The following EPHA2 variants were observed in gnomAD, a reference collection of about 807,000 sequenced individuals.
EPHA2 encodes ephrin type-A receptor 2.
Under a neutral mutation model 104.9 loss-of-function variants are expected in EPHA2, and 54 were observed. The observed-to-expected ratio is 0.51, with a 90% CI of 0.41 to 0.65. The LOEUF (loss-of-function observed/expected upper bound fraction) is 0.65, where lower values mean the gene tolerates loss of function less well. Among genes scored for constraint, EPHA2 ranks in the 30% least tolerant of loss-of-function variants. The probability of loss-of-function intolerance (pLI) is 0.00; values close to 1 mark genes in which losing one functional copy is unlikely to be tolerated. For missense variants in EPHA2, 1,117 were observed against 1,369.5 expected, an observed-to-expected ratio of 0.82 and a Z score of 2.91; for synonymous variants, 560 against 559.1, an observed-to-expected ratio of 1.00 and a Z score of -0.02.
At chr1:16,149,555 G>T (rs2024998962) in intron 2 of EPHA2, among the ~76,000 whole-genome samples, 1 of 152,210 alleles carries the variant, frequency 6.6e-6, no homozygotes, top group Non-Finnish European at 1.5e-5. Flanking sequence ...AAAAACAACG[G>T]ATGATGCTCT....
In EPHA2 at chr1:16,133,847, G is replaced by A. The variant is rs2024629034; in HGVS notation, c.1738+13C>T. On this transcript the variant is annotated intron_variant, in intron 9 of 16. Transcript: ENST00000358432. ...CGGGCAGGGCTGGGCCTGGAGCGGGGGCTGCGTCTCACCTGACTTGGAGAA... is the reference window on the plus strand; with the variant it reads ...CGGGCAGGGCTGGGCCTGGAGCGGGAGCTGCGTCTCACCTGACTTGGAGAA... The A allele has an allele frequency of 6.5e-7, 1 of 1,543,682 alleles. No individual in the cohort carries two copies. Among genetic ancestry groups the A allele is most frequent in the Non-Finnish European group, 8.8e-7 (1 of 1,142,266 alleles).
At chr1:16,126,124 G>A (rs897939920) in intron 16 of EPHA2, among the ~76,000 whole-genome samples, 1 of 152,158 alleles carries the variant, frequency 6.6e-6, no homozygotes, top group Non-Finnish European at 1.5e-5. Flanking sequence ...GGCAGCATCA[G>A]TACCAGATGG....
intron 16 of EPHA2, among the ~76,000 whole-genome samples, chr1:16,126,995 G>A (rs936545511): frequency 3.3e-5 from 5 of 152,156 alleles, no homozygotes; most frequent in South Asian, 2.1e-4. Context: ...AGGTTGGGCC[G>A]TTGCTGGGCC....
In EPHA2 at chr1:16,131,710, A is replaced by G. The variant is rs775749111; in HGVS notation, c.2475+11T>C. On this transcript the variant is annotated intron_variant, in intron 14 of 16. Coordinates refer to ENST00000358432, the MANE Select transcript of EPHA2 (RefSeq NM_004431.5). The surrounding 1 kb of genome is among the most constrained non-coding windows in gnomAD (Gnocchi z 5.2). ...GGTCCGGACAGGCCTGGGGAGGGCA[A>G]GGGCACCCACCTCGTGGTTGGACAA... The G allele has an allele frequency of 6.2e-7, 1 of 1,613,886 alleles. No individual in the cohort carries two copies.
At chr1:16,129,815 A>G (rs1253465968) in intron 15 of EPHA2, among the ~76,000 whole-genome samples, 3 of 152,136 alleles carry the variant, frequency 2.0e-5, no homozygotes, top group African/African-American at 7.2e-5. Context: ...TACTAACAGG[A>G]CCACCACCAA....
rs35484156 is a variant in EPHA2, at chr1:16,138,424, G to A, written c.830C>T (p.Ser277Leu). Residue 277 changes from serine (S) to leucine (L), a missense_variant, in exon 4 of 17, where the codon TCG becomes TTG. Physicochemically the swap from Ser to Leu is moderately radical, Grantham distance 145. Around this residue, in one of 3 missense-constraint regions of EPHA2, gnomAD observed 664 missense variants for 784.8 expected, o/e 0.85. Transcript: ENST00000358432. ...EKVEDACQAC[S>L]PGFFKFEASE... ...TGCCTCAAACTTAAAAAATCCAGGC[G>A]AGCAGGCTGGTGGACACAGGACAGA... The A allele has an allele frequency of 5.3e-3, 8,562 of 1,613,576 alleles. 34 individuals carry two copies. The highest frequency in any genetic ancestry group is 6.6e-3 in the Non-Finnish European group (7,837 of 1,180,014).
intron 3 of EPHA2, among the ~76,000 whole-genome samples, chr1:16,142,066 A>G (rs1009919718): frequency 8.5e-5 from 13 of 152,170 alleles, no homozygotes; most frequent in Non-Finnish European, 1.9e-4. Context: ...GGGGTCACAC[A>G]CACTCAAACA....
chr1:16,140,449 C>G (rs1454620649), intron 3 of EPHA2, among the ~76,000 whole-genome samples: 1 of 152,178 alleles, frequency 6.6e-6, no homozygotes, highest in African/African-American at 2.4e-5. Context: ...TCATTTAGTC[C>G]TCGCAATAGA....
intron 1 of EPHA2, among the ~76,000 whole-genome samples, chr1:16,152,881 G>A (rs1035081789): frequency 2.6e-5 from 4 of 152,114 alleles, no homozygotes; most frequent in African/African-American, 7.2e-5. Flanking sequence ...TTCCAACCCC[G>A]GCCCCCTCCC....
Position 16,138,325 on chromosome 1 carries a change from T to G in EPHA2, c.929A>C (p.Glu310Ala). ...CTGAGGTGCCCGGAAGAAGCCTTCC[T>G]CACACTCGCAGGAGGTGGCACCCTC... is the stretch of plus-strand genomic sequence containing the variant. ...SPEGATSCEC[E>A]EGFFRAPQDP... Residue 310 changes from glutamate (E) to alanine (A), a missense_variant, in exon 4 of 17, where the codon GAG (glutamate) becomes GCG (alanine). Around this residue, in one of 3 missense-constraint regions of EPHA2, gnomAD observed 664 missense variants for 784.8 expected, o/e 0.85. Transcript: ENST00000358432. 1 of 1,613,772 alleles carries G rather than the reference T, an allele frequency of 6.2e-7. No homozygotes were observed. The highest frequency in any genetic ancestry group is 8.5e-7 in the Non-Finnish European group (1 of 1,179,934).
intron 1 of EPHA2, among the ~76,000 whole-genome samples, chr1:16,151,433 T>C (rs1012319827): frequency 3.9e-5 from 6 of 152,168 alleles, no homozygotes; most frequent in Non-Finnish European, 7.3e-5. Context: ...TTCTGCCACA[T>C]TCCCCCCAGC....
In EPHA2 at chr1:16,155,846, AC is replaced by A; in HGVS notation, c.85+1del. The A allele has an allele frequency of 6.9e-7, 1 of 1,439,954 alleles. No homozygotes were observed. The highest frequency in any genetic ancestry group is 3.0e-5 in the East Asian group (1 of 33,442). The allele number at this position is 1,439,954 out of a possible 1,614,324, so 89.2% of individuals were successfully genotyped here. On this transcript the variant is annotated splice_donor_variant, in intron 1 of 16. Transcript: ENST00000358432. LOFTEE classifies it high-confidence loss of function. ...AGGGGTCCAGACGCCGCGCGCACTC[AC>A]CTTCCTTGCCCTGCGCCGCCGCGGC...
intron 16 of EPHA2, among the ~76,000 whole-genome samples, chr1:16,126,037 A>C (rs987828235): frequency 3.9e-5 from 6 of 152,176 alleles, no homozygotes; most frequent in African/African-American, 1.4e-4. Flanking sequence ...GGGAAACCTC[A>C]GTTTCCTCCC....
rs758656920 is a variant in EPHA2 at position 16,132,289 on chromosome 1, C to T, written c.2116-16G>A. The T allele has an allele frequency of 1.7e-5, 28 of 1,614,018 alleles. No homozygotes were observed. The highest frequency in any genetic ancestry group is 1.2e-4 in the Admixed American group (7 of 60,024). On this transcript the variant is annotated splice_polypyrimidine_tract_variant and intron_variant, in intron 12 of 16. Transcript: ENST00000358432. ...CATCCTTCTCCTGCCGGAGCACAGG[C>T]GCTCAGCTGCAGGCCAGCCCTGAAC...
chr1:16,130,308 T>C lies in EPHA2; in HGVS notation c.2587A>G (p.Lys863Glu), dbSNP rs762176782. 5.0e-6 allele frequency: 8 copies of C among 1,610,126 alleles called. No individual in the cohort carries two copies. In the Admixed American group the frequency reaches 1.2e-4, roughly 24 times the overall value. The change falls in exon 15 of 17, where the codon AAG (lysine) becomes GAG (glutamate). Residue 863 changes from lysine (K) to glutamate (E), a missense_variant. Physicochemically the swap from Lys to Glu is moderately conservative, Grantham distance 56 (BLOSUM62 1). Around this residue, in one of 3 missense-constraint regions of EPHA2, gnomAD observed 340 missense variants for 480.5 expected, o/e 0.71. Transcript: ENST00000358432. The surrounding 1 kb of genome is among the most constrained non-coding windows in gnomAD (Gnocchi z 4.5). ...CWQQERARRPKFADIVSILDK... is the reference protein window; with the variant it reads ...CWQQERARRPEFADIVSILDK... ...AGGATGCTGACGATGTCAGCGAACT[T>C]GGGGCGGCGGGCACGCTCCTGCTGC...
rs1026670225 is a variant in EPHA2, at chr1:16,150,284, T to C, written c.153+612A>G. On this transcript the variant is annotated intron_variant, in intron 2 of 16. Transcript: ENST00000358432. The surrounding 1 kb of genome is among the most constrained non-coding windows in gnomAD (Gnocchi z 4.8). ...AACTGAGGCCCCGAGAGCCACATCT[T>C]CCCCAAGATCACACAGCAGACACAC... is the stretch of plus-strand genomic sequence containing the variant. Among the ~76,000 whole-genome samples, 1 of 151,994 alleles carries C rather than the reference T, an allele frequency of 6.6e-6. No homozygotes were observed. The highest frequency in any genetic ancestry group is 2.4e-5 in the African/African-American group (1 of 41,372).
intron 3 of EPHA2, among the ~76,000 whole-genome samples, chr1:16,146,610 G>A (rs951793499): frequency 3.3e-5 from 5 of 152,268 alleles, no homozygotes; most frequent in Admixed American, 3.3e-4. Context: ...GGGGAAGGGG[G>A]GCTCGCTCAG....
At position 16,138,428 on chromosome 1, in the gene EPHA2, A is replaced by G; in HGVS notation, c.826T>C (p.Cys276Arg). 4 of 1,613,598 alleles carry G rather than the reference A, an allele frequency of 2.5e-6. No individual in the cohort carries two copies. Among genetic ancestry groups the G allele is most frequent in the Non-Finnish European group, 3.4e-6 (4 of 1,180,016 alleles). Residue 276 changes from cysteine (C) to arginine (R), a missense_variant and splice_region_variant, in exon 4 of 17, where the codon TGC becomes CGC. Cys to Arg is a radical substitution (Grantham distance 180). Around this residue, in one of 3 missense-constraint regions of EPHA2, gnomAD observed 664 missense variants for 784.8 expected, o/e 0.85. Transcript: ENST00000358432. Reference sequence around the variant, plus strand: ...TCAAACTTAAAAAATCCAGGCGAGCAGGCTGGTGGACACAGGACAGACAGA... The same window carrying G: ...TCAAACTTAAAAAATCCAGGCGAGCGGGCTGGTGGACACAGGACAGACAGA... ...YEKVEDACQA[C>R]SPGFFKFEAS...
At position 16,130,037 on chromosome 1, in the gene EPHA2, A is replaced by G. The variant is rs1002845202; in HGVS notation, c.2669+189T>C. ...CTCACGCAGTGCCCTGCACACAGAC[A>G]CATAAGCTGGTTGCTTCTATTAGGA... On this transcript the variant is annotated intron_variant, in intron 15 of 16. Coordinates refer to ENST00000358432, the MANE Select transcript of EPHA2 (RefSeq NM_004431.5). This position sits in a 1 kb window ranked among gnomAD's most constrained non-coding sequence, Gnocchi z 4.5. Among the ~76,000 whole-genome samples the G allele has an allele frequency of 6.6e-6, 1 of 152,172 alleles. No homozygotes were observed.
Sources: gnomAD v4.1 joint callset for allele counts (sites outside exome capture counted in the v4.1 genomes callset) on GRCh38, gnomAD v4.1.1 for gene constraint, gnomAD v4.1.1 regional missense constraint, Gnocchi (gnomAD v3.1) non-coding constraint, MANE v1.5 for transcripts, NCBI Gene and HGNC (gene_info 2026-07-23, HGNC 2026-07-21) for gene names.